Variants in LRBA observed in about 807,000 individuals in gnomAD.
LRBA encodes lipopolysaccharide-responsive and beige-like anchor protein.
LRBA carries 176 observed loss-of-function variants against 330.0 expected under a neutral mutation model. The observed-to-expected ratio is 0.53, with a 90% CI of 0.47 to 0.60. LRBA has a LOEUF of 0.60. Ranked by LOEUF, LRBA falls within the 20% of genes least tolerant of loss-of-function variation. The pLI, the probability that LRBA is intolerant of heterozygous loss-of-function variation, is 0.00. For missense variants in LRBA, 3,259 were observed against 3,444.8 expected (o/e 0.95, Z 1.35); for synonymous variants, 1,230 against 1,193.0 (o/e 1.03, Z -0.64).
chr4:150,389,599 T>C (rs1743594689), intron 47 of LRBA, among the ~76,000 whole-genome samples: 1 of 143,120 alleles, frequency 7.0e-6, no homozygotes, highest in African/African-American at 2.6e-5. Context: ...ATCCCAACTT[T>C]TTGGGAGGCT....
chr4:151,004,974 G>C (rs1417469735), intron 2 of LRBA, among the ~76,000 whole-genome samples: 1 of 152,090 alleles, frequency 6.6e-6, no homozygotes, highest in Non-Finnish European at 1.5e-5. Flanking sequence ...CTGGGCGACA[G>C]AGCGAGACTT....
In LRBA at chr4:150,844,764, A is replaced by G. The variant is rs760231659; in HGVS notation, c.4355T>C (p.Val1452Ala). The change falls in exon 27 of 57, where the codon GTA (valine) becomes GCA (alanine). Residue 1452 changes from valine to alanine, a missense_variant. By Grantham distance (64) the Val-to-Ala change is moderately conservative. Coordinates refer to ENST00000651943, the MANE Select transcript of LRBA (RefSeq NM_001364905.1). ...CTGTTGACACTCCAAGCAATTCCTT[A>G]CTGCGACTGCACAAACTGTAATTTA... is the stretch of plus-strand genomic sequence containing the variant. ...QCLRLVCAVA[V>A]RNCLECQQHS... 6.2e-7 allele frequency: 1 copy of G among 1,612,694 alleles called. No homozygotes were observed. The highest frequency in any genetic ancestry group is 8.5e-7 in the Non-Finnish European group (1 of 1,179,140).
intron 47 of LRBA, among the ~76,000 whole-genome samples, chr4:150,365,929 T>A (rs772485246): frequency 3.7e-4 from 57 of 152,280 alleles, no homozygotes; most frequent in Admixed American, 7.2e-4. Context: ...CTTAAACATT[T>A]TCATGTAACT....
intron 53 of LRBA, among the ~76,000 whole-genome samples, chr4:150,292,549 C>T (rs1024441940): frequency 1.3e-5 from 2 of 152,092 alleles, no homozygotes; most frequent in Non-Finnish European, 2.9e-5. Context: ...TTATTTCTTC[C>T]AATTGATACT....
intron 36 of LRBA, among the ~76,000 whole-genome samples, chr4:150,720,691 A>T (rs1206772360): frequency 6.6e-6 from 1 of 152,172 alleles, no homozygotes; most frequent in African/African-American, 2.4e-5. Context: ...TAATCTAAAA[A>T]ATTTTCTAAG....
chr4:150,270,341 T>TAAAC (rs1745903115), intron 56 of LRBA, among the ~76,000 whole-genome samples: 1 of 152,314 alleles, frequency 6.6e-6, no homozygotes, highest in East Asian at 1.9e-4. Flanking sequence ...AGGTGAACGA[T>TAAAC]AAACAGAACA....
At chr4:150,288,677 TACCA>T (rs1309412725) in intron 53 of LRBA, among the ~76,000 whole-genome samples, 1 of 151,574 alleles carries the variant, frequency 6.6e-6, no homozygotes, top group Non-Finnish European at 1.5e-5. Context: ...TCCACAAAAA[TACCA>T]TACAATGTTG....
intron 28 of LRBA, among the ~76,000 whole-genome samples, chr4:150,838,091 G>C (rs369529437): frequency 1.3e-5 from 2 of 151,926 alleles, no homozygotes; most frequent in Admixed American, 1.3e-4. Flanking sequence ...TTGAAAATTC[G>C]TTTCTTTAAG....
chr4:150,832,441 C>A (rs1747343939), intron 28 of LRBA, among the ~76,000 whole-genome samples: 2 of 151,978 alleles, frequency 1.3e-5, no homozygotes, highest in Admixed American at 1.3e-4. Context: ...ACTAAAAATA[C>A]AAAAATTAGC....
intron 37 of LRBA, among the ~76,000 whole-genome samples, chr4:150,614,089 T>C (rs1269554841): frequency 6.6e-6 from 1 of 152,160 alleles, no homozygotes; most frequent in African/African-American, 2.4e-5. Context: ...TGGCGGGAAA[T>C]GGAATGGGGA....
At chr4:150,791,291 T>C (rs1739872303) in intron 34 of LRBA, among the ~76,000 whole-genome samples, 2 of 152,156 alleles carry the variant, frequency 1.3e-5, no homozygotes, top group Non-Finnish European at 2.9e-5. Context: ...ACTGTGGAAT[T>C]TGCTGTATTG....
intron 9 of LRBA, among the ~76,000 whole-genome samples, chr4:150,912,880 G>C (rs142541061): frequency 6.6e-6 from 1 of 152,016 alleles, no homozygotes; most frequent in Admixed American, 6.6e-5. Context: ...ACTGAATCTC[G>C]TAAGTTTTGG....
intron 37 of LRBA, among the ~76,000 whole-genome samples, chr4:150,608,642 C>A (rs1482070124): frequency 6.6e-6 from 1 of 152,106 alleles, no homozygotes; most frequent in Non-Finnish European, 1.5e-5. Context: ...TTAAAATGTA[C>A]AATTCAACGT....
At chr4:150,746,711 C>T (rs537142108) in intron 35 of LRBA, among the ~76,000 whole-genome samples, 5 of 151,980 alleles carry the variant, frequency 3.3e-5, no homozygotes, top group African/African-American at 9.6e-5. Context: ...AGGGTTTCAC[C>T]GTGTTAGCCA....
At chr4:150,460,594 C>T (rs1362296573) in intron 44 of LRBA, among the ~76,000 whole-genome samples, 1 of 151,704 alleles carries the variant, frequency 6.6e-6, no homozygotes, top group African/African-American at 2.4e-5. Context: ...AGAGCTTAGA[C>T]AAAAATTTAA....
At chr4:150,977,995 G>A (rs1370388289) in intron 2 of LRBA, among the ~76,000 whole-genome samples, 1 of 152,246 alleles carries the variant, frequency 6.6e-6, no homozygotes, top group African/African-American at 2.4e-5. Context: ...AGCCTTACTG[G>A]CTTCGCCAAC....
chr4:150,579,109 C>A (rs572420387), intron 40 of LRBA: 1 of 374,058 alleles, frequency 2.7e-6, no homozygotes, highest in Admixed American at 3.5e-5. Context: ...TCTAGAGTTT[C>A]TTTCTCTCAC....
intron 37 of LRBA, among the ~76,000 whole-genome samples, chr4:150,622,819 T>G (rs1287090743): frequency 6.6e-6 from 1 of 150,502 alleles, no homozygotes; most frequent in East Asian, 2.0e-4. Flanking sequence ...TGCCTCAGCC[T>G]CCTGAGTAGC....
chr4:150,588,211 C>T (rs574993682), intron 39 of LRBA, 27 bp from the exon 40 acceptor site: 2 of 1,552,522 alleles, frequency 1.3e-6, no homozygotes, highest in East Asian at 4.6e-5. Context: ...ACAAGCCACA[C>T]AAGTTGGAAT....
Sources: gnomAD v4.1 joint callset for allele counts (sites outside exome capture counted in the v4.1 genomes callset) on GRCh38, gnomAD v4.1.1 for gene constraint, MANE v1.5 for transcripts, NCBI Gene and HGNC (gene_info 2026-07-23, HGNC 2026-07-21) for gene names.